Variants in TMTC2 observed in about 807,000 individuals in gnomAD.
The protein encoded by TMTC2 is protein O-mannosyl-transferase TMTC2.
Under a neutral mutation model 82.4 loss-of-function variants are expected in TMTC2, and 43 were observed. The observed-to-expected ratio is 0.52, with a 90% CI of 0.41 to 0.67. The LOEUF (loss-of-function observed/expected upper bound fraction) is 0.67, where lower values mean the gene tolerates loss of function less well. TMTC2 is among the 30% of genes least tolerant of loss of function. TMTC2 has a pLI of 0.00. For synonymous variants in TMTC2, 408 were observed against 381.9 expected (o/e 1.07, Z -0.80); for missense variants, 919 against 1,012.4 (o/e 0.91, Z 1.25).
At chr12:83,116,023 T>G (rs935151530) in intron 11 of TMTC2, among the ~76,000 whole-genome samples, 1 of 152,110 alleles carries the variant, frequency 6.6e-6, no homozygotes, top group African/African-American at 2.4e-5. Flanking sequence ...CCTGACCTCG[T>G]GATGTGCCTG....
intron 9 of TMTC2, among the ~76,000 whole-genome samples, chr12:83,032,116 T>C (rs553099340): frequency 6.6e-6 from 1 of 152,032 alleles, no homozygotes; most frequent in South Asian, 2.1e-4. Context: ...CCCTGAGTGC[T>C]AAAAGGCTGC....
chr12:83,072,187 G>A (rs1388827490), intron 11 of TMTC2, among the ~76,000 whole-genome samples: 2 of 152,052 alleles, frequency 1.3e-5, no homozygotes, highest in Non-Finnish European at 2.9e-5. Flanking sequence ...CTGTATCCCT[G>A]AGGTTTTGAT....
At chr12:82,720,989 G>C (rs1011458412) in intron 1 of TMTC2, among the ~76,000 whole-genome samples, 16 of 152,196 alleles carry the variant, frequency 1.1e-4, no homozygotes, top group Admixed American at 7.2e-4. Flanking sequence ...TGTTTTAGCT[G>C]TAAGTAGATC....
rs147085082 is a variant in TMTC2, at chr12:82,756,500, A to C, written c.83+68831A>C. On this transcript the variant is annotated intron_variant, in intron 1 of 11. Coordinates refer to ENST00000321196, the MANE Select transcript of TMTC2 (RefSeq NM_152588.3). ...TGGCCTCCCTGCGTTGGCAGGTATTACTGCTTCCAGATTTGGTCACAGCAT... is the reference window on the plus strand; with the variant it reads ...TGGCCTCCCTGCGTTGGCAGGTATTCCTGCTTCCAGATTTGGTCACAGCAT... 3.6e-3 allele frequency among the ~76,000 whole-genome samples: 546 copies of C among 152,318 alleles called. 1 individual carries two copies. Among genetic ancestry groups the C allele is most frequent in the African/African-American group, 0.013 (524 of 41,572 alleles).
At chr12:83,045,146 C>G (rs1882039317) in intron 9 of TMTC2, among the ~76,000 whole-genome samples, 1 of 152,160 alleles carries the variant, frequency 6.6e-6, no homozygotes, top group Non-Finnish European at 1.5e-5. Context: ...ATTGCTCTTT[C>G]CCTTTTCCCA....
At chr12:82,750,901 C>T (rs1194221352) in intron 1 of TMTC2, among the ~76,000 whole-genome samples, 4 of 151,946 alleles carry the variant, frequency 2.6e-5, no homozygotes, top group Admixed American at 6.6e-5. Context: ...TTTTTTTGAA[C>T]GAGGAAACTG....
chr12:83,044,371 G>C (rs1369641807), intron 9 of TMTC2, among the ~76,000 whole-genome samples: 2 of 152,166 alleles, frequency 1.3e-5, no homozygotes, highest in African/African-American at 4.8e-5. Flanking sequence ...AGGAGCCATT[G>C]TTCCTCTGAT....
At chr12:82,711,466 C>CG (rs1228308371) in intron 1 of TMTC2, among the ~76,000 whole-genome samples, 2 of 151,204 alleles carry the variant, frequency 1.3e-5, no homozygotes, top group African/African-American at 2.4e-5. Context: ...GGGCAAGAAA[C>CG]TATTTGAAAA....
intron 1 of TMTC2, among the ~76,000 whole-genome samples, chr12:82,753,447 A>G (rs1385715927): frequency 6.6e-6 from 1 of 151,550 alleles, no homozygotes; most frequent in African/African-American, 2.4e-5. Context: ...CTAAATTTTA[A>G]AAGTAAATAT....
At chr12:82,935,745 A>G (rs192522112) in intron 4 of TMTC2, among the ~76,000 whole-genome samples, 1 of 152,284 alleles carries the variant, frequency 6.6e-6, no homozygotes, top group African/African-American at 2.4e-5. Context: ...GCTATAATCA[A>G]TTCTTGATTA....
intron 4 of TMTC2, among the ~76,000 whole-genome samples, chr12:82,952,651 T>C (rs1877408066): frequency 6.6e-6 from 1 of 152,154 alleles, no homozygotes; most frequent in Admixed American, 6.6e-5. Context: ...GTTCAAATGA[T>C]TCTCCTGCCT....
At chr12:82,783,396 C>T (rs2137012242) in intron 1 of TMTC2, among the ~76,000 whole-genome samples, 1 of 151,800 alleles carries the variant, frequency 6.6e-6, no homozygotes, top group South Asian at 2.1e-4. Context: ...CCTCTTGTCT[C>T]CTTCTCATAT....
intron 11 of TMTC2, among the ~76,000 whole-genome samples, chr12:83,085,250 G>A (rs1045013396): frequency 2.6e-5 from 4 of 152,120 alleles, no homozygotes; most frequent in Non-Finnish European, 4.4e-5. Flanking sequence ...TCTGAGAAAA[G>A]GTGTTGATGA....
intron 11 of TMTC2, among the ~76,000 whole-genome samples, chr12:83,120,331 T>C (rs1052767361): frequency 1.3e-5 from 2 of 152,228 alleles, no homozygotes; most frequent in Non-Finnish European, 2.9e-5. Context: ...TTAGCAGTTC[T>C]TGTACTGGTG....
At chr12:83,105,366 A>G (rs1451700206) in intron 11 of TMTC2, among the ~76,000 whole-genome samples, 4 of 152,098 alleles carry the variant, frequency 2.6e-5, no homozygotes, top group South Asian at 2.1e-4. Flanking sequence ...TTGCATTGCT[A>G]TGAAGAAATA....
At chr12:82,899,447 G>A (rs950156217) in intron 3 of TMTC2, among the ~76,000 whole-genome samples, 3 of 150,764 alleles carry the variant, frequency 2.0e-5, no homozygotes, top group Non-Finnish European at 4.4e-5. Flanking sequence ...TCCAGAGCTT[G>A]GCCACTTTTT....
chr12:82,916,811 T>A (rs986988043), intron 3 of TMTC2, among the ~76,000 whole-genome samples: 1 of 152,168 alleles, frequency 6.6e-6, no homozygotes, highest in African/African-American at 2.4e-5. Context: ...CTATCTGAAA[T>A]AACTACAGAT....
chr12:82,926,816 T>C (rs1432121402), intron 3 of TMTC2, among the ~76,000 whole-genome samples: 1 of 152,216 alleles, frequency 6.6e-6, no homozygotes, highest in East Asian at 1.9e-4. Flanking sequence ...GCTCTGTAAG[T>C]GGAACTGGAT....
intron 3 of TMTC2, among the ~76,000 whole-genome samples, chr12:82,917,748 C>T (rs1419079913): frequency 2.6e-5 from 4 of 151,890 alleles, no homozygotes; most frequent in African/African-American, 7.3e-5. Context: ...ACTACAGGCC[C>T]CTGCCACCAG....
Sources: gnomAD v4.1 joint callset for allele counts (sites outside exome capture counted in the v4.1 genomes callset) on GRCh38, gnomAD v4.1.1 for gene constraint, MANE v1.5 for transcripts, NCBI Gene and HGNC (gene_info 2026-07-23, HGNC 2026-07-21) for gene names.